Variants in NVL observed in about 807,000 individuals in gnomAD.
NVL encodes the protein nuclear VCP like.
A neutral mutation model predicts 110.2 loss-of-function variants in NVL; 84 were observed. That is an observed-to-expected ratio of 0.76 (90% CI 0.64 to 0.91). The LOEUF is 0.91. Among genes scored for constraint, NVL ranks in the 40% least tolerant of loss-of-function variants. NVL has a pLI of 0.00. For synonymous variants in NVL, 354 were observed against 361.1 expected (o/e 0.98, Z 0.22); for missense variants, 882 against 1,035.9 (o/e 0.85, Z 2.04).
chr1:224,303,718 C>G lies in NVL; in HGVS notation c.960+5G>C. ...CAAAAGCAAACAAATGTCAGCAAGC[C>G]TCACCCCAGCAATTGCATGTGCAAG... On this transcript the variant is annotated splice_donor_5th_base_variant and intron_variant, in intron 9 of 22. Coordinates refer to ENST00000281701, the MANE Select transcript of NVL (RefSeq NM_002533.4). 1 of 1,607,692 alleles carries G rather than the reference C, an allele frequency of 6.2e-7. No individual in the cohort carries two copies. The highest frequency in any genetic ancestry group is 8.5e-7 in the Non-Finnish European group (1 of 1,176,758).
intron 17 of NVL, among the ~76,000 whole-genome samples, 185 bp downstream of exon 17, chr1:224,275,154 C>T (rs1558290424): frequency 6.6e-6 from 1 of 152,114 alleles, no homozygotes; most frequent in Admixed American, 6.6e-5. Flanking sequence ...AGGAAAAAAA[C>T]TGGATGCAGA....
At chr1:224,327,597 T>C (rs1671265734) in intron 1 of NVL, among the ~76,000 whole-genome samples, 1 of 152,048 alleles carries the variant, frequency 6.6e-6, no homozygotes, top group Non-Finnish European at 1.5e-5. Context: ...AATATCTCAT[T>C]ATGTATATGC....
At chr1:224,250,791 T>TA (rs1662386473) in intron 18 of NVL, among the ~76,000 whole-genome samples, 1 of 152,116 alleles carries the variant, frequency 6.6e-6, no homozygotes, top group African/African-American at 2.4e-5. Context: ...AGCTCCCACT[T>TA]ATGAGTGAGC....
chr1:224,260,787 A>C (rs945492703), intron 18 of NVL, among the ~76,000 whole-genome samples: 2 of 140,658 alleles, frequency 1.4e-5, no homozygotes, highest in African/African-American at 5.4e-5. Context: ...CTGTGGCCTC[A>C]AACTTCTAGT....
intron 1 of NVL, 49 bp from the exon 2 acceptor site, chr1:224,326,513 A>T: frequency 7.9e-7 from 1 of 1,259,964 alleles, no homozygotes; most frequent in South Asian, 1.2e-5. Flanking sequence ...TTTCAAACTC[A>T]GTGATTTTAA....
chr1:224,263,963 C>T (rs1272420999), intron 18 of NVL, among the ~76,000 whole-genome samples: 1 of 152,042 alleles, frequency 6.6e-6, no homozygotes, highest in East Asian at 1.9e-4. Context: ...TGCGGTGAGC[C>T]GAGATCATGC....
chr1:224,292,838 C>T (rs1273518830), intron 12 of NVL, among the ~76,000 whole-genome samples: 1 of 151,968 alleles, frequency 6.6e-6, no homozygotes, highest in Non-Finnish European at 1.5e-5. Context: ...ACAACCTCCA[C>T]TTCCCAGGTT....
At chr1:224,306,510 C>T (rs1668932892) in intron 6 of NVL, among the ~76,000 whole-genome samples, 3 of 152,136 alleles carry the variant, frequency 2.0e-5, no homozygotes, top group Non-Finnish European at 2.9e-5. Flanking sequence ...TCATGATCTG[C>T]CCGCCTTGGT....
intron 10 of NVL, 26 bp from the exon 11 acceptor site, chr1:224,296,644 A>G: frequency 7.1e-7 from 1 of 1,411,830 alleles, no homozygotes; most frequent in Non-Finnish European, 9.9e-7. Flanking sequence ...TCACAAAAAG[A>G]CAATCATAAA....
At chr1:224,328,416 A>G (rs1671354334) in intron 1 of NVL, among the ~76,000 whole-genome samples, 1 of 150,084 alleles carries the variant, frequency 6.7e-6, no homozygotes, top group East Asian at 2.0e-4. Context: ...CGTACTCGGG[A>G]GGCTGAGGCA....
chr1:224,290,839 G>A (rs1307903201), intron 12 of NVL, among the ~76,000 whole-genome samples: 1 of 151,742 alleles, frequency 6.6e-6, no homozygotes, highest in East Asian at 1.9e-4. Context: ...GCATGGGGGC[G>A]GGTACCTGTA....
chr1:224,273,039 AAAACAAAAAAAAC>A (rs1219957853), intron 17 of NVL, among the ~76,000 whole-genome samples: 3 of 89,064 alleles, frequency 3.4e-5, no homozygotes, highest in East Asian at 2.4e-3. Context: ...GTCTCAAAAA[AAAACAAAAAAAAC>A]AAACAAACAA....
chr1:224,249,756 T>C (rs777171987), intron 19 of NVL, among the ~76,000 whole-genome samples: 5 of 151,952 alleles, frequency 3.3e-5, no homozygotes, highest in African/African-American at 4.8e-5. Context: ...AAAAAAAGGA[T>C]AGGGTCTTGC....
At chr1:224,233,134 AT>A in intron 21 of NVL, 66 bp downstream of exon 21, 1 of 1,385,206 alleles carries the variant, frequency 7.2e-7, no homozygotes, top group South Asian at 1.3e-5. Context: ...GAAAATGGTC[AT>A]TTTCCAGGGC....
intron 22 of NVL, among the ~76,000 whole-genome samples, chr1:224,230,508 A>G (rs4654006): frequency 1 from 152,155 of 152,198 alleles, 76,056 homozygotes; most frequent in Middle Eastern, 1. Flanking sequence ...GGAGGCTGAG[A>G]CAGAAGAATC....
chr1:224,258,655 A>T (rs1275989153), intron 18 of NVL, among the ~76,000 whole-genome samples: 1 of 152,212 alleles, frequency 6.6e-6, no homozygotes, highest in Non-Finnish European at 1.5e-5. Flanking sequence ...CAGATGTCCA[A>T]CTGGTGAATA....
intron 18 of NVL, among the ~76,000 whole-genome samples, chr1:224,262,586 T>TAC (rs1664101429): frequency 6.6e-6 from 1 of 152,148 alleles, no homozygotes; most frequent in South Asian, 2.1e-4. Context: ...AACAGCTGTT[T>TAC]AGACCACAGG....
chr1:224,285,981 C>T lies in NVL; in HGVS notation c.1899+45G>A, dbSNP rs1666817810. The T allele has an allele frequency of 2.2e-6, 3 of 1,382,682 alleles. No individual in the cohort carries two copies. The African/African-American group carries it at 4.3e-5, about 20-fold the overall frequency. 85.7% of individuals were successfully genotyped at this position (1,382,682 alleles called of 1,614,324 possible). ...TAAAGTTAAGTTCATATTATCCTAT[C>T]TGATACTAAGAAATAAATTACATGC... On this transcript the variant is annotated intron_variant, in intron 15 of 22. Transcript: ENST00000281701.
intron 19 of NVL, among the ~76,000 whole-genome samples, chr1:224,249,602 G>A (rs781201264): frequency 2.7e-4 from 41 of 152,086 alleles, no homozygotes; most frequent in Non-Finnish European, 5.1e-4. Context: ...AAAATTAGCC[G>A]GACGTGGTGG....
Sources: allele counts gnomAD v4.1 joint callset (sites outside exome capture counted in the v4.1 genomes callset), GRCh38; gene constraint gnomAD v4.1.1; transcripts MANE v1.5; gene names NCBI Gene and HGNC (gene_info 2026-07-23, HGNC 2026-07-21).